The following MAP3K13 variants were observed in gnomAD, a reference collection of about 807,000 sequenced individuals.
MAP3K13 encodes leucine zipper-bearing kinase.
A neutral mutation model predicts 104.0 loss-of-function variants in MAP3K13; 52 were observed. The observed-to-expected ratio is 0.50, with a 90% CI of 0.40 to 0.63. The LOEUF is 0.63. Among genes scored for constraint, MAP3K13 ranks in the 20% least tolerant of loss-of-function variants. MAP3K13 has a pLI of 0.00. For missense variants in MAP3K13, 914 were observed against 1,218.5 expected (o/e 0.75, Z 3.72); for synonymous variants, 394 against 442.2 (o/e 0.89, Z 1.37).
intron 2 of MAP3K13, among the ~76,000 whole-genome samples, chr3:185,308,009 C>CTTTTTTTTTTTTTTTTTTTTTTTTT (rs33949195): frequency 1.9e-4 from 6 of 31,566 alleles, no homozygotes; most frequent in African/African-American, 3.7e-4. Context: ...TCTTTGGGGT[C>CTTTTTTTTTTTTTTTTTTTTTTTTT]TTTTTTTTTT....
At chr3:185,471,306 C>CT (rs748807847) in intron 10 of MAP3K13, among the ~76,000 whole-genome samples, 2,123 of 83,398 alleles carry the variant, frequency 0.025, 58 homozygotes, top group African/African-American at 0.057. Flanking sequence ...ATGACCTTTG[C>CT]TTTTTTTTTT....
intron 4 of MAP3K13, among the ~76,000 whole-genome samples, chr3:185,444,617 A>AAG (rs1281894968): frequency 1.3e-5 from 2 of 152,198 alleles, no homozygotes; most frequent in African/African-American, 4.8e-5. Flanking sequence ...CTTGGCTACC[A>AAG]ATCACTTTAA....
At position 185,463,610 on chromosome 3, in the gene MAP3K13, A is replaced by T. The variant is rs747262160; in HGVS notation, c.1339A>T (p.Ile447Leu). The change falls in exon 8 of 14, where the codon ATA becomes TTA. Residue 447 changes from isoleucine (I) to leucine (L), a missense_variant. Around this residue, in one of 3 missense-constraint regions of MAP3K13, gnomAD observed 583 missense variants for 737.4 expected, o/e 0.79. Coordinates refer to ENST00000265026, the MANE Select transcript of MAP3K13 (RefSeq NM_004721.5). ...GAAGATCAAAAGTGAAGGAACTTGTATACACCGGTTAGATGAAGAACTGAT... is the reference window on the plus strand; with the variant it reads ...GAAGATCAAAAGTGAAGGAACTTGTTTACACCGGTTAGATGAAGAACTGAT... ...FEKIKSEGTC[I>L]HRLDEELIRR... is the part of the protein sequence containing the mutation. The T allele has an allele frequency of 6.2e-7, 1 of 1,613,486 alleles. No individual in the cohort carries two copies. Among genetic ancestry groups the T allele is most frequent in the Non-Finnish European group, 8.5e-7 (1 of 1,179,506 alleles).
chr3:185,409,752 T>C (rs893561403), intron 1 of MAP3K13, among the ~76,000 whole-genome samples: 3 of 152,118 alleles, frequency 2.0e-5, no homozygotes, highest in Non-Finnish European at 1.5e-5. Flanking sequence ...AATAGAAGAA[T>C]GGATAAAGAA....
intron 2 of MAP3K13, among the ~76,000 whole-genome samples, chr3:185,432,569 C>T (rs888532188): frequency 5.9e-5 from 9 of 151,912 alleles, no homozygotes; most frequent in Admixed American, 4.6e-4. Context: ...TGATCGAGTA[C>T]ATTTGGTTTT....
At chr3:185,456,577 A>C (rs1426243537) in intron 7 of MAP3K13, among the ~76,000 whole-genome samples, 1 of 151,262 alleles carries the variant, frequency 6.6e-6, no homozygotes. Context: ...ATATGGTTGC[A>C]ATCACAGCTT....
At chr3:185,420,799 T>G (rs923799105) in intron 1 of MAP3K13, among the ~76,000 whole-genome samples, 9 of 152,266 alleles carry the variant, frequency 5.9e-5, no homozygotes, top group African/African-American at 2.2e-4. Flanking sequence ...AATTGTATTC[T>G]ATGATAGAAA....
At chr3:185,289,459 A>AT in intron 2 of MAP3K13, among the ~76,000 whole-genome samples, 2 of 152,306 alleles carry the variant, frequency 1.3e-5, no homozygotes, top group Middle Eastern at 6.8e-3. Flanking sequence ...TACCTCACCC[A>AT]TAACCAGGAC....
intron 2 of MAP3K13, among the ~76,000 whole-genome samples, chr3:185,332,881 C>T (rs1347868519): frequency 1.3e-5 from 2 of 152,132 alleles, no homozygotes; most frequent in African/African-American, 4.8e-5. Flanking sequence ...TGAGGTCCTG[C>T]TTTCAGTTCT....
At chr3:185,338,195 T>C (rs531998332) in intron 2 of MAP3K13, among the ~76,000 whole-genome samples, 85 of 151,898 alleles carry the variant, frequency 5.6e-4, no homozygotes, top group Admixed American at 3.8e-3. Flanking sequence ...CTGGGTATGG[T>C]GGCGTGCTCC....
chr3:185,418,166 T>A lies in MAP3K13; in HGVS notation c.-85-10331T>A, dbSNP rs1288315115. On this transcript the variant is annotated intron_variant, in intron 1 of 13. Coordinates refer to ENST00000265026, the MANE Select transcript of MAP3K13 (RefSeq NM_004721.5). This position sits in a 1 kb window ranked among gnomAD's most constrained non-coding sequence, Gnocchi z 4.5. ...TCATTATAGATGATGCACAGGCCCC[T>A]GCGCTGGATACGGCGACGGTTTCTC... 6.2e-7 allele frequency: 1 copy of A among 1,610,556 alleles called. No homozygotes were observed. Among genetic ancestry groups the A allele is most frequent in the Non-Finnish European group, 8.5e-7 (1 of 1,178,418 alleles).
intron 1 of MAP3K13, among the ~76,000 whole-genome samples, chr3:185,404,873 C>T (rs1252871291): frequency 3.3e-5 from 5 of 152,184 alleles, no homozygotes; most frequent in Admixed American, 6.5e-5. Context: ...TGAGCCACCG[C>T]GCGCAGCCCT....
rs908840337 is a variant in MAP3K13 at position 185,488,999 on chromosome 3, C to T, written c.*6543C>T. The T allele has an allele frequency of 1.3e-5, 2 of 152,234 alleles. No individual in the cohort carries two copies. Among genetic ancestry groups the T allele is most frequent in the Non-Finnish European group, 2.9e-5 (2 of 68,058 alleles). The allele number at this position is 152,234 out of a possible 1,614,324, so 9.4% of individuals were successfully genotyped here. ...AGTCCCCAGCTCCCAGTGTTGTTTT[C>T]TGATGCCGGCTCCCTCTCTGTATTG... On this transcript the variant is annotated 3_prime_UTR_variant, in exon 14 of 14. Coordinates refer to ENST00000265026, the MANE Select transcript of MAP3K13 (RefSeq NM_004721.5).
At chr3:185,456,322 A>G (rs1010058411) in intron 7 of MAP3K13, among the ~76,000 whole-genome samples, 1 of 152,272 alleles carries the variant, frequency 6.6e-6, no homozygotes, top group Admixed American at 6.5e-5. Flanking sequence ...TTATGTAAGT[A>G]AAGTGTTTGC....
chr3:185,436,774 G>A (rs544616503), intron 2 of MAP3K13, among the ~76,000 whole-genome samples: 6 of 151,848 alleles, frequency 4.0e-5, no homozygotes, highest in African/African-American at 7.3e-5. Flanking sequence ...AGGCCAAGGC[G>A]GGTGGATCAC....
Position 185,454,767 on chromosome 3 carries a change from C to CATATATATGAGATATATACATG in MAP3K13, c.1278+3403_1278+3424dup, listed in dbSNP as rs1430914610. ...TATCATATATATGAGATATATATGA[C>CATATATATGAGATATATACATG]ATATATATGAGATATATACATGATA... On this transcript the variant is annotated intron_variant, in intron 7 of 13. Coordinates refer to ENST00000265026, the MANE Select transcript of MAP3K13 (RefSeq NM_004721.5). Among the ~76,000 whole-genome samples the CATATATATGAGATATATACATG allele has an allele frequency of 3.1e-3, 221 of 70,664 alleles. 29 individuals are homozygous for CATATATATGAGATATATACATG. Among genetic ancestry groups the CATATATATGAGATATATACATG allele is most frequent in the African/African-American group, 6.8e-3 (122 of 17,906 alleles). The allele number at this position is 70,664 out of a possible 152,430, so 46.4% of individuals were successfully genotyped here.
chr3:185,393,955 G>T (rs1274748153), intron 1 of MAP3K13, among the ~76,000 whole-genome samples: 1 of 152,160 alleles, frequency 6.6e-6, no homozygotes, highest in Non-Finnish European at 1.5e-5. Flanking sequence ...TGTGATGACG[G>T]TTAGCAAGGA....
At chr3:185,406,098 A>G (rs894417632) in intron 1 of MAP3K13, among the ~76,000 whole-genome samples, 4 of 152,210 alleles carry the variant, frequency 2.6e-5, no homozygotes, top group Admixed American at 6.5e-5. Context: ...CCTGGGTGAA[A>G]GAGTAGTAAG....
At position 185,488,929 on chromosome 3, in the gene MAP3K13, A is replaced by G. The variant is rs1054843; in HGVS notation, c.*6473A>G. 71,330 of 152,026 alleles carry G rather than the reference A, an allele frequency of 0.47. 17,020 individuals carry two copies. Among genetic ancestry groups the G allele is most frequent in the Middle Eastern group, 0.52 (152 of 294 alleles). 9.4% of individuals were successfully genotyped at this position (152,026 alleles called of 1,614,324 possible). The stretch of plus-strand genomic sequence containing the variant: ...ATTTCTCTTTTGTGGTTAGGTCTCC[A>G]AATGAACCTCCTTACCTGGCTCCCC... On this transcript the variant is annotated 3_prime_UTR_variant, in exon 14 of 14. Transcript: ENST00000265026.
Sources: gnomAD v4.1 joint callset for allele counts (sites outside exome capture counted in the v4.1 genomes callset) on GRCh38, gnomAD v4.1.1 for gene constraint, gnomAD v4.1.1 regional missense constraint, Gnocchi (gnomAD v3.1) non-coding constraint, MANE v1.5 for transcripts, NCBI Gene and HGNC (gene_info 2026-07-23, HGNC 2026-07-21) for gene names.